Variants in WDFY4 observed in about 807,000 individuals in gnomAD.
WDFY4 encodes the protein WDFY family member 4, also known as WD repeat- and FYVE domain-containing protein 4.
A neutral mutation model predicts 351.9 loss-of-function variants in WDFY4; 169 were observed. The ratio of observed to expected loss-of-function variants is 0.48; its 90% CI spans 0.42 to 0.55. The LOEUF is 0.55. Among genes scored for constraint, WDFY4 ranks in the 20% least tolerant of loss-of-function variants. WDFY4 has a pLI of 0.00. For missense variants in WDFY4, 3,803 were observed against 3,935.6 expected (o/e 0.97, Z 0.90); for synonymous variants, 1,622 against 1,574.6 (o/e 1.03, Z -0.71).
At position 48,946,881 on chromosome 10, in the gene WDFY4, A is replaced by G; in HGVS notation, c.7889A>G (p.His2630Arg). ...KTEGDMTVQC[H>R]YYTHYSSAII... Reference sequence around the variant, plus strand: ...GCAGGAGACATGACTGTCCAGTGCCACTACTACACCCACTACTCCTCGGCC... The same window carrying G: ...GCAGGAGACATGACTGTCCAGTGCCGCTACTACACCCACTACTCCTCGGCC... The change falls in exon 51 of 62, where the codon CAC becomes CGC. Residue 2630 changes from histidine to arginine, a missense_variant. Physicochemically the swap from His to Arg is conservative, Grantham distance 29 (BLOSUM62 0). Transcript: ENST00000325239. The G allele has an allele frequency of 2.6e-6, 4 of 1,552,034 alleles. No homozygotes were observed. Among genetic ancestry groups the G allele is most frequent in the Non-Finnish European group, 2.6e-6 (3 of 1,147,074 alleles).
intron 39 of WDFY4, among the ~76,000 whole-genome samples, chr10:48,864,267 G>A (rs1225915926): frequency 1.3e-5 from 2 of 152,146 alleles, no homozygotes; most frequent in Non-Finnish European, 2.9e-5. Context: ...TGTATGTTAT[G>A]CAGTAAAGGT....
chr10:48,979,158 C>A (rs929829814), intron 60 of WDFY4, among the ~76,000 whole-genome samples: 4 of 152,186 alleles, frequency 2.6e-5, no homozygotes, highest in African/African-American at 9.7e-5. Context: ...AAGGCAATAA[C>A]ATCACAAAGA....
At chr10:48,858,889 T>C (rs1032967667) in intron 39 of WDFY4, among the ~76,000 whole-genome samples, 1 of 152,222 alleles carries the variant, frequency 6.6e-6, no homozygotes, top group African/African-American at 2.4e-5. Flanking sequence ...CATCTGCATT[T>C]CATAGTTTTC....
At chr10:48,854,237 T>C (rs2069058602) in intron 39 of WDFY4, among the ~76,000 whole-genome samples, 1 of 151,838 alleles carries the variant, frequency 6.6e-6, no homozygotes, top group Admixed American at 6.6e-5. Context: ...GTCTCCTGAG[T>C]AGCTGGGACT....
chr10:48,940,302 A>G (rs1225145992), intron 47 of WDFY4, among the ~76,000 whole-genome samples: 1 of 152,216 alleles, frequency 6.6e-6, no homozygotes, highest in Non-Finnish European at 1.5e-5. Flanking sequence ...GCTTCTGCTT[A>G]TTGTTGGGTG....
intron 47 of WDFY4, among the ~76,000 whole-genome samples, chr10:48,916,871 ATGTGTGTG>A (rs55891907): frequency 0.053 from 7,914 of 149,264 alleles, 648 homozygotes; most frequent in African/African-American, 0.17. Flanking sequence ...CTTTAAAAAT[ATGTGTGTG>A]TGTGTGTGTG....
In WDFY4 at chr10:48,779,865, C is replaced by T. The variant is rs2066160397; in HGVS notation, c.3398-76C>T. The T allele has an allele frequency of 6.6e-6, 10 of 1,514,568 alleles. No individual in the cohort carries two copies. The South Asian group carries it at 1.3e-4, about 19-fold the overall frequency. 93.8% of individuals were successfully genotyped at this position (1,514,568 alleles called of 1,614,324 possible). ...ACAAGGCCCAGTGGTTGACGTCCGC[C>T]TATGCCCTCCCCATTCTCCTGGGTT... On this transcript the variant is annotated intron_variant, in intron 18 of 61. Transcript: ENST00000325239.
chr10:48,910,978 T>C (rs1469043875), intron 47 of WDFY4: 1 of 886,066 alleles, frequency 1.1e-6, no homozygotes, highest in Non-Finnish European at 1.4e-6. Context: ...AGAAAAAGTG[T>C]CTGAAGGGGG....
At chr10:48,703,025 C>T (rs941210066) in intron 1 of WDFY4, among the ~76,000 whole-genome samples, 26 of 152,164 alleles carry the variant, frequency 1.7e-4, no homozygotes, top group African/African-American at 4.3e-4. Flanking sequence ...TAGATGTGAA[C>T]GCTGTTCATA....
chr10:48,908,740 A>G (rs550757558), intron 47 of WDFY4, among the ~76,000 whole-genome samples: 1 of 152,266 alleles, frequency 6.6e-6, no homozygotes, highest in East Asian at 1.9e-4. Context: ...TACATTTTAT[A>G]TAGCTATAGC....
chr10:48,762,403 C>A (rs1281378762), intron 13 of WDFY4, among the ~76,000 whole-genome samples: 8 of 152,184 alleles, frequency 5.3e-5, no homozygotes, highest in Non-Finnish European at 1.0e-4. Context: ...TGGGAAAGTG[C>A]TGTGAAGCCA....
chr10:48,885,869 A>G (rs1249579895), intron 43 of WDFY4, among the ~76,000 whole-genome samples: 1 of 152,140 alleles, frequency 6.6e-6, no homozygotes, highest in African/African-American at 2.4e-5. Flanking sequence ...AAAAAAGTAG[A>G]TACTAGAGCT....
intron 2 of WDFY4, among the ~76,000 whole-genome samples, chr10:48,714,817 C>A (rs1270282911): frequency 1.3e-5 from 2 of 152,184 alleles, no homozygotes; most frequent in Non-Finnish European, 2.9e-5. Context: ...GGTGGGACCA[C>A]ATTGGAGAAA....
At position 48,774,557 on chromosome 10, in the gene WDFY4, A is replaced by G; in HGVS notation, c.2653A>G (p.Thr885Ala). 6.4e-7 allele frequency: 1 copy of G among 1,551,208 alleles called. No individual in the cohort carries two copies. Among genetic ancestry groups the G allele is most frequent in the Non-Finnish European group, 8.7e-7 (1 of 1,146,824 alleles). The change falls in exon 14 of 62, where the codon ACC becomes GCC. Residue 885 changes from threonine (T) to alanine (A), a missense_variant. Physicochemically the swap from Thr to Ala is moderately conservative, Grantham distance 58. Transcript: ENST00000325239. ...QVMCEAGLLG[T>A]LMASCHRALV... The stretch of plus-strand genomic sequence containing the variant: ...CATGTGCGAAGCAGGCTTGCTTGGG[A>G]CCCTCATGGCCTCCTGCCACAGGGC...
chr10:48,747,568 T>C (rs1160261466), intron 12 of WDFY4, among the ~76,000 whole-genome samples: 2 of 152,198 alleles, frequency 1.3e-5, no homozygotes, highest in African/African-American at 2.4e-5. Flanking sequence ...TTCCACACAG[T>C]TTCTTTTGGT....
chr10:48,805,923 C>T, intron 26 of WDFY4, 81 bp from the exon 27 acceptor site: 5 of 1,186,436 alleles, frequency 4.2e-6, no homozygotes, highest in Non-Finnish European at 6.1e-6. Flanking sequence ...GTGGGTGGGT[C>T]TATGTGAAAA....
intron 47 of WDFY4, chr10:48,932,453 G>A (rs1244203219): frequency 6.6e-6 from 1 of 152,110 alleles, no homozygotes; most frequent in East Asian, 1.9e-4. Context: ...TGTAATAATA[G>A]CTACTTACAG....
At chr10:48,721,056 C>CA (rs2064069746) in intron 3 of WDFY4, among the ~76,000 whole-genome samples, 4 of 152,056 alleles carry the variant, frequency 2.6e-5, no homozygotes, top group Admixed American at 2.0e-4. Context: ...GACGGTGGCA[C>CA]AAAAAACGCT....
At chr10:48,696,433 C>A (rs1464212382) in intron 1 of WDFY4, among the ~76,000 whole-genome samples, 1 of 152,242 alleles carries the variant, frequency 6.6e-6, no homozygotes, top group Non-Finnish European at 1.5e-5. Context: ...TTGGAGGCAG[C>A]CCTCCTGCTC....
Sources: gnomAD v4.1 joint callset for allele counts (sites outside exome capture counted in the v4.1 genomes callset) on GRCh38, gnomAD v4.1.1 for gene constraint, MANE v1.5 for transcripts, NCBI Gene and HGNC (gene_info 2026-07-23, HGNC 2026-07-21) for gene names.